NUP35: variants seen among roughly 807,000 people sequenced by gnomAD.
NUP35 encodes nucleoporin 35.
Under a neutral mutation model 41.5 loss-of-function variants are expected in NUP35, and 25 were observed. The ratio of observed to expected loss-of-function variants is 0.60; its 90% CI spans 0.44 to 0.84. The LOEUF (loss-of-function observed/expected upper bound fraction) is 0.84, where lower values mean the gene tolerates loss of function less well. NUP35 is among the 40% of genes least tolerant of loss of function. NUP35 has a pLI of 0.00. For synonymous variants in NUP35, 149 were observed against 130.7 expected, an observed-to-expected ratio of 1.14 and a Z score of -0.96; for missense variants, 396 against 396.6, an observed-to-expected ratio of 1.00 and a Z score of 0.01.
upstream of NUP35, among the ~76,000 whole-genome samples, chr2:183,121,936 C>CT (rs1330383627): frequency 2.8e-5 from 1 of 36,136 alleles, no homozygotes; most frequent in Admixed American, 3.9e-4. Context: ...TATTATTATA[C>CT]TTTAAGTTCT....
chr2:183,131,103 C>T (rs745779508), intron 3 of NUP35: 3 of 360,204 alleles, frequency 8.3e-6, no homozygotes, highest in Admixed American at 5.4e-5. Flanking sequence ...CCTCAACTGT[C>T]CTATTGGGAT....
chr2:183,152,368 CTT>C (rs1685502101), intron 5 of NUP35, among the ~76,000 whole-genome samples: 1 of 152,042 alleles, frequency 6.6e-6, no homozygotes, highest in African/African-American at 2.4e-5. Context: ...ATTCGTGAGA[CTT>C]TGGGGCACCC....
At chr2:183,159,856 A>C in intron 8 of NUP35, 1 of 467,076 alleles carries the variant, frequency 2.1e-6, no homozygotes, top group Non-Finnish European at 3.7e-6. Flanking sequence ...TAAAAAAAAA[A>C]AATTATTTGC....
At chr2:183,134,925 G>T (rs72894513) in intron 4 of NUP35, among the ~76,000 whole-genome samples, 4,916 of 151,934 alleles carry the variant, frequency 0.032, 97 homozygotes, top group Non-Finnish European at 0.043. Context: ...CGCCCAGCTG[G>T]CAATAATCTA....
Position 183,150,528 on chromosome 2 carries a change from T to G in NUP35, c.398-980T>G, listed in dbSNP as rs374323508. Among the ~76,000 whole-genome samples, 476 of 152,352 alleles carry G rather than the reference T, an allele frequency of 3.1e-3. 2 individuals are homozygous for G. The highest frequency in any genetic ancestry group is 6.8e-3 in the Middle Eastern group (2 of 294). ...TTGCTTCCCTTGTCCTTCAGGTTTT[T>G]GCTTTAATGCACCTCAGTGAAATCC... On this transcript the variant is annotated intron_variant, in intron 4 of 8. Transcript: ENST00000295119.
At chr2:183,145,413 C>T (rs999003413) in intron 4 of NUP35, among the ~76,000 whole-genome samples, 1 of 152,094 alleles carries the variant, frequency 6.6e-6, no homozygotes, top group Non-Finnish European at 1.5e-5. Flanking sequence ...AAAAGTTACA[C>T]GTTTTGGAAC....
At chr2:183,128,239 CAG>C in intron 1 of NUP35, 46 bp from the exon 2 acceptor site, 1 of 1,416,568 alleles carries the variant, frequency 7.1e-7, no homozygotes, top group Non-Finnish European at 9.4e-7. Flanking sequence ...CAACATGTAA[CAG>C]AAACTGTAAC....
intron 4 of NUP35, among the ~76,000 whole-genome samples, chr2:183,137,168 C>T (rs1243596661): frequency 6.6e-6 from 1 of 152,172 alleles, no homozygotes; most frequent in Non-Finnish European, 1.5e-5. Flanking sequence ...GAATGTCACC[C>T]TAGTCTTTTC....
upstream of NUP35, among the ~76,000 whole-genome samples, chr2:183,124,145 G>A (rs1388978799): frequency 1.3e-5 from 2 of 152,188 alleles, no homozygotes; most frequent in Admixed American, 6.5e-5. Context: ...TTATGAAACC[G>A]TGAGTAAAAT....
At chr2:183,139,800 C>T (rs1685020462) in intron 4 of NUP35, among the ~76,000 whole-genome samples, 1 of 152,218 alleles carries the variant, frequency 6.6e-6, no homozygotes, top group Non-Finnish European at 1.5e-5. Context: ...CTGCAGCAGG[C>T]ATGCCACCTT....
chr2:183,128,323 C>G lies in NUP35; in HGVS notation c.77C>G (p.Pro26Arg). Residue 26 changes from proline to arginine, a missense_variant, in exon 2 of 9, where the codon CCA becomes CGA. Pro to Arg is a moderately radical substitution (Grantham distance 103). Coordinates refer to ENST00000295119, the MANE Select transcript of NUP35 (RefSeq NM_138285.5). ...EPMMLGSPTS[P>R]KPGVNAQFLP... ...ATGATGCTGGGTTCACCCACATCTC[C>G]AAAGCCAGGAGTTAATGCCCAGTTC... is the stretch of plus-strand genomic sequence containing the variant. The G allele has an allele frequency of 6.2e-7, 1 of 1,613,128 alleles. No homozygotes were observed. The highest frequency in any genetic ancestry group is 1.3e-5 in the African/African-American group (1 of 74,972).
At chr2:183,154,932 G>A (rs573276175) in intron 5 of NUP35, among the ~76,000 whole-genome samples, 1 of 152,140 alleles carries the variant, frequency 6.6e-6, no homozygotes, top group Non-Finnish European at 1.5e-5. Context: ...GGAGGCAAAA[G>A]GTACTTACAT....
chr2:183,147,304 A>G (rs1215771832), intron 4 of NUP35, among the ~76,000 whole-genome samples: 1 of 152,174 alleles, frequency 6.6e-6, no homozygotes, highest in Admixed American at 6.5e-5. Flanking sequence ...AGGTTTTTCA[A>G]GGTTTTCTTT....
intron 4 of NUP35, among the ~76,000 whole-genome samples, chr2:183,151,160 A>G (rs1373270196): frequency 1.3e-5 from 2 of 152,210 alleles, no homozygotes; most frequent in Non-Finnish European, 2.9e-5. Context: ...TTCTTAAGGC[A>G]GAGGTGCTGT....
intron 2 of NUP35, among the ~76,000 whole-genome samples, chr2:183,130,110 T>G (rs549152751): frequency 6.6e-6 from 1 of 152,334 alleles, no homozygotes; most frequent in East Asian, 1.9e-4. Context: ...AAGTTACATG[T>G]GTTTTCTGAA....
In NUP35 at chr2:183,161,513, A is replaced by G. The variant is rs921846345; in HGVS notation, c.*382A>G. The G allele has an allele frequency of 6.4e-6, 1 of 155,290 alleles. No individual in the cohort carries two copies. The highest frequency in any genetic ancestry group is 1.9e-4 in the East Asian group (1 of 5,350). 9.6% of individuals were successfully genotyped at this position (155,290 alleles called of 1,614,324 possible). Reference sequence around the variant, plus strand: ...TATAGTTATTTCTACCGACACAAATATTATAATTAGCAATTTGAATTATGG... The same window carrying G: ...TATAGTTATTTCTACCGACACAAATGTTATAATTAGCAATTTGAATTATGG... On this transcript the variant is annotated 3_prime_UTR_variant, in exon 9 of 9. Coordinates refer to ENST00000295119, the MANE Select transcript of NUP35 (RefSeq NM_138285.5).
chr2:183,124,320 G>A, upstream of NUP35: 6 of 1,527,764 alleles, frequency 3.9e-6, no homozygotes, highest in Non-Finnish European at 5.3e-6. Context: ...TGGCTCCGGC[G>A]CCTACAACTT....
chr2:183,121,255 A>G (rs1700063074), upstream of NUP35, among the ~76,000 whole-genome samples: 1 of 152,188 alleles, frequency 6.6e-6, no homozygotes, highest in South Asian at 2.1e-4. Flanking sequence ...AGAGCATTAC[A>G]CAGGAGCCAA....
intron 3 of NUP35, among the ~76,000 whole-genome samples, chr2:183,132,273 T>C (rs150257219): frequency 6.6e-6 from 1 of 152,146 alleles, no homozygotes; most frequent in African/African-American, 2.4e-5. Context: ...CCACCTTCCT[T>C]GGCCTTCAAA....
Sources: gnomAD v4.1 joint callset for allele counts (sites outside exome capture counted in the v4.1 genomes callset) on GRCh38, gnomAD v4.1.1 for gene constraint, MANE v1.5 for transcripts, NCBI Gene and HGNC (gene_info 2026-07-23, HGNC 2026-07-21) for gene names.